SYT9: variants seen among roughly 807,000 people sequenced by gnomAD.
The protein encoded by SYT9 is synaptotagmin-9.
Under a neutral mutation model 48.4 loss-of-function variants are expected in SYT9, and 22 were observed. The ratio of observed to expected loss-of-function variants is 0.45; its 90% CI spans 0.32 to 0.65. SYT9 has a LOEUF of 0.65. Ranked by LOEUF, SYT9 falls within the 30% of genes least tolerant of loss-of-function variation. SYT9 has a pLI of 0.03. For missense variants in SYT9, 577 were observed against 622.0 expected, an observed-to-expected ratio of 0.93 and a Z score of 0.77; for synonymous variants, 265 against 245.0, an observed-to-expected ratio of 1.08 and a Z score of -0.76.
chr11:7,324,850 T>C (rs1393061063), intron 3 of SYT9, among the ~76,000 whole-genome samples: 1 of 152,088 alleles, frequency 6.6e-6, no homozygotes, highest in East Asian at 1.9e-4. Flanking sequence ...AAAGATTATG[T>C]CTCACTCATA....
intron 6 of SYT9, among the ~76,000 whole-genome samples, chr11:7,432,807 AC>A (rs1847633401): frequency 6.6e-6 from 1 of 151,534 alleles, no homozygotes; most frequent in African/African-American, 2.4e-5. Flanking sequence ...GGTAGAAGGC[AC>A]TTACCTTGTC....
intron 1 of SYT9, among the ~76,000 whole-genome samples, chr11:7,293,503 A>G (rs368874451): frequency 6.6e-6 from 1 of 152,214 alleles, no homozygotes; most frequent in Admixed American, 6.5e-5. Context: ...AATGAAAAGC[A>G]GGAATGGCCC....
intron 3 of SYT9, among the ~76,000 whole-genome samples, chr11:7,410,727 T>C (rs1016032755): frequency 6.6e-6 from 1 of 152,232 alleles, no homozygotes; most frequent in Non-Finnish European, 1.5e-5. Flanking sequence ...TTACTTTGGG[T>C]GTATATGTAT....
intron 6 of SYT9, among the ~76,000 whole-genome samples, chr11:7,449,366 A>C (rs1390841021): frequency 6.6e-6 from 1 of 151,772 alleles, no homozygotes; most frequent in Admixed American, 6.6e-5. Flanking sequence ...CAAAAGCGAC[A>C]ACCTTGCCAG....
At chr11:7,448,577 C>T (rs1010428352) in intron 6 of SYT9, among the ~76,000 whole-genome samples, 9 of 152,222 alleles carry the variant, frequency 5.9e-5, no homozygotes, top group Admixed American at 1.3e-4. Context: ...CGATTATGCA[C>T]GTCAATCTAC....
At chr11:7,409,327 G>A (rs1004004035) in intron 3 of SYT9, among the ~76,000 whole-genome samples, 1 of 151,612 alleles carries the variant, frequency 6.6e-6, no homozygotes, top group African/African-American at 2.4e-5. Flanking sequence ...GATTTATGTA[G>A]TTTTCTTTTT....
At chr11:7,411,630 T>G in intron 3 of SYT9, among the ~76,000 whole-genome samples, 1 of 152,210 alleles carries the variant, frequency 6.6e-6, no homozygotes. Flanking sequence ...CACTTTTGTC[T>G]TGCTGTTGTT....
intron 6 of SYT9, among the ~76,000 whole-genome samples, chr11:7,421,008 C>T (rs1178398525): frequency 6.6e-6 from 1 of 152,136 alleles, no homozygotes; most frequent in Non-Finnish European, 1.5e-5. Context: ...AAACATAAGG[C>T]CTTGATTCTA....
upstream of SYT9, among the ~76,000 whole-genome samples, chr11:7,251,560 T>A (rs1386857854): frequency 6.6e-6 from 1 of 152,152 alleles, no homozygotes; most frequent in East Asian, 1.9e-4. Context: ...GGGACTCGGT[T>A]CTGCGCATCT....
intron 3 of SYT9, among the ~76,000 whole-genome samples, chr11:7,314,993 T>C (rs909424646): frequency 2.6e-5 from 4 of 152,202 alleles, no homozygotes; most frequent in African/African-American, 7.2e-5. Flanking sequence ...TTTTATGAAC[T>C]AGGGACTCAC....
chr11:7,338,967 TGA>T (rs1233465153), intron 3 of SYT9, among the ~76,000 whole-genome samples: 1 of 152,210 alleles, frequency 6.6e-6, no homozygotes, highest in Non-Finnish European at 1.5e-5. Context: ...TATTATTGTG[TGA>T]GAGTATAAGT....
intron 3 of SYT9, among the ~76,000 whole-genome samples, chr11:7,392,834 C>T (rs546181591): frequency 5.1e-4 from 77 of 151,896 alleles, no homozygotes; most frequent in Non-Finnish European, 9.9e-4. Context: ...TTAGATGTAT[C>T]CCTAGGTATT....
intron 1 of SYT9, among the ~76,000 whole-genome samples, chr11:7,275,592 T>C (rs981141882): frequency 6.6e-6 from 1 of 152,198 alleles, no homozygotes; most frequent in Non-Finnish European, 1.5e-5. Context: ...CAAGTTGTCC[T>C]CTCCAATCCT....
intron 3 of SYT9, among the ~76,000 whole-genome samples, chr11:7,396,850 A>G (rs1373079114): frequency 6.6e-6 from 1 of 152,058 alleles, no homozygotes; most frequent in Non-Finnish European, 1.5e-5. Context: ...TTTTGCCCAT[A>G]TTTTTGTCAG....
At chr11:7,384,710 CT>C (rs921887279) in intron 3 of SYT9, among the ~76,000 whole-genome samples, 7 of 152,170 alleles carry the variant, frequency 4.6e-5, no homozygotes, top group Non-Finnish European at 8.8e-5. Flanking sequence ...TACTTTTCTA[CT>C]TCAATCTTTG....
At chr11:7,265,828 G>T (rs1848170285) in intron 1 of SYT9, among the ~76,000 whole-genome samples, 1 of 152,018 alleles carries the variant, frequency 6.6e-6, no homozygotes, top group Admixed American at 6.6e-5. Flanking sequence ...TTATCGCTAG[G>T]CAAGTAATAT....
chr11:7,422,988 T>G (rs1240359483), intron 6 of SYT9, among the ~76,000 whole-genome samples: 1 of 152,234 alleles, frequency 6.6e-6, no homozygotes, highest in African/African-American at 2.4e-5. Flanking sequence ...GTAAATGCCA[T>G]TAGGGTTAAA....
chr11:7,468,570 C>G lies in SYT9; in HGVS notation c.*1770C>G, dbSNP rs1564914534. ...AGCAAAACATGAAGGGCTAGCGCCA[C>G]CAGGATAGTTAGCAGAAATATTGTC... On this transcript the variant is annotated 3_prime_UTR_variant, in exon 7 of 7. Coordinates refer to ENST00000318881, the MANE Select transcript of SYT9 (RefSeq NM_175733.4). 1 of 369,482 alleles carries G rather than the reference C, an allele frequency of 2.7e-6. No homozygotes were observed. The allele number at this position is 369,482 out of a possible 1,614,324, so 22.9% of individuals were successfully genotyped here. A position where few individuals can be genotyped will look rare whatever the true frequency, so the allele number is the denominator to read the frequency against.
At chr11:7,444,595 G>T (rs1847895643) in intron 6 of SYT9, 1 of 152,122 alleles carries the variant, frequency 6.6e-6, no homozygotes, top group African/African-American at 2.4e-5. Flanking sequence ...AATTTTGAAG[G>T]CACTGAAGTT....
Sources: allele counts gnomAD v4.1 joint callset (sites outside exome capture counted in the v4.1 genomes callset), GRCh38; gene constraint gnomAD v4.1.1; transcripts MANE v1.5; gene names NCBI Gene and HGNC (gene_info 2026-07-23, HGNC 2026-07-21).